The following RBFOX1 variants were observed in gnomAD, a reference collection of about 807,000 sequenced individuals.
RBFOX1 encodes RNA binding protein fox-1 homolog 1.
A neutral mutation model predicts 57.7 loss-of-function variants in RBFOX1; 8 were observed. The ratio of observed to expected loss-of-function variants is 0.14; its 90% CI spans 0.08 to 0.25. The LOEUF is 0.25. Ranked by LOEUF, RBFOX1 falls within the 10% of genes least tolerant of loss-of-function variation. RBFOX1 has a pLI of 1.00. For synonymous variants in RBFOX1, 326 were observed against 222.4 expected, an observed-to-expected ratio of 1.47 and a Z score of -4.15; for missense variants, 611 against 548.5, an observed-to-expected ratio of 1.11 and a Z score of -1.14.
At chr16:6,638,088 G>T (rs1212594155) in intron 2 of RBFOX1, among the ~76,000 whole-genome samples, 1 of 152,102 alleles carries the variant, frequency 6.6e-6, no homozygotes, top group Non-Finnish European at 1.5e-5. Flanking sequence ...CAAAATATCT[G>T]TGTCATATGA....
intron 3 of RBFOX1, among the ~76,000 whole-genome samples, chr16:6,930,657 G>A (rs1207355985): frequency 2.6e-5 from 4 of 152,102 alleles, no homozygotes; most frequent in South Asian, 2.1e-4. Context: ...TGATCCGCCT[G>A]CCTTGGCCTC....
chr16:5,284,293 C>T (rs1422747537), intron 1 of RBFOX1, among the ~76,000 whole-genome samples: 1 of 152,102 alleles, frequency 6.6e-6, no homozygotes, highest in African/African-American at 2.4e-5. Context: ...GACTAATACA[C>T]CCGTGTTCCT....
chr16:5,524,973 T>C (rs2044182499), intron 2 of RBFOX1, among the ~76,000 whole-genome samples: 1 of 152,230 alleles, frequency 6.6e-6, no homozygotes, highest in Non-Finnish European at 1.5e-5. Flanking sequence ...AAGCACCTTA[T>C]CTACTTTGTC....
intron 2 of RBFOX1, among the ~76,000 whole-genome samples, chr16:6,332,047 G>T (rs1018284273): frequency 2.0e-5 from 3 of 152,234 alleles, no homozygotes; most frequent in Non-Finnish European, 2.9e-5. Flanking sequence ...AGCGGTTTGT[G>T]TAACACCAAT....
intron 2 of RBFOX1, among the ~76,000 whole-genome samples, chr16:6,503,152 G>C (rs1026989379): frequency 6.6e-6 from 1 of 152,082 alleles, no homozygotes; most frequent in Non-Finnish European, 1.5e-5. Context: ...TTCATGGTAG[G>C]AGCATACTAC....
intron 11 of RBFOX1, among the ~76,000 whole-genome samples, chr16:7,652,392 G>A (rs1346699047): frequency 6.6e-6 from 1 of 152,118 alleles, no homozygotes; most frequent in Non-Finnish European, 1.5e-5. Flanking sequence ...TTACCCAAGG[G>A]AAGATATCCC....
intron 12 of RBFOX1, among the ~76,000 whole-genome samples, chr16:7,654,680 G>T (rs888766759): frequency 6.6e-6 from 1 of 152,270 alleles, no homozygotes; most frequent in African/African-American, 2.4e-5. Context: ...TGGCAGTCTT[G>T]AAATGCTAGT....
intron 4 of RBFOX1, among the ~76,000 whole-genome samples, chr16:6,008,092 C>T (rs148194336): frequency 2.0e-5 from 3 of 152,132 alleles, no homozygotes; most frequent in Non-Finnish European, 4.4e-5. Flanking sequence ...GTAGTCCCAG[C>T]TACTCAGGAG....
intron 3 of RBFOX1, among the ~76,000 whole-genome samples, chr16:6,813,267 C>G (rs1280878137): frequency 6.6e-6 from 1 of 152,160 alleles, no homozygotes; most frequent in African/African-American, 2.4e-5. Flanking sequence ...CCAGTTCTTT[C>G]TGGCAGTCCT....
At chr16:7,162,468 G>A (rs550500260) in intron 4 of RBFOX1, among the ~76,000 whole-genome samples, 2 of 151,296 alleles carry the variant, frequency 1.3e-5, no homozygotes, top group Non-Finnish European at 2.9e-5. Context: ...AGTAACTCAC[G>A]CCTGTAACCC....
intron 4 of RBFOX1, among the ~76,000 whole-genome samples, chr16:7,207,122 C>G (rs535933810): frequency 2.6e-5 from 4 of 152,310 alleles, no homozygotes; most frequent in South Asian, 2.1e-4. Flanking sequence ...CCCCATCCAT[C>G]TTCATGGCAT....
intron 2 of RBFOX1, among the ~76,000 whole-genome samples, chr16:6,368,493 G>T (rs2089985952): frequency 6.6e-6 from 1 of 152,094 alleles, no homozygotes; most frequent in African/African-American, 2.4e-5. Flanking sequence ...CAGTTCTCTG[G>T]GTGTGCACCT....
At chr16:7,545,864 G>T (rs957518956) in intron 5 of RBFOX1, among the ~76,000 whole-genome samples, 1 of 151,998 alleles carries the variant, frequency 6.6e-6, no homozygotes, top group Non-Finnish European at 1.5e-5. Flanking sequence ...CTCTGCATCG[G>T]GGGAGCAGAA....
At chr16:5,394,313 C>T (rs1267098081) in intron 1 of RBFOX1, among the ~76,000 whole-genome samples, 1 of 152,170 alleles carries the variant, frequency 6.6e-6, no homozygotes. Flanking sequence ...TGAGACATTG[C>T]GCCCAGCCAG....
In RBFOX1 at chr16:5,999,643, C is replaced by T. The variant is rs9934559; in HGVS notation, c.351+132308C>T. 4.9e-3 allele frequency among the ~76,000 whole-genome samples: 750 copies of T among 152,142 alleles called. 8 individuals carry two copies. The highest frequency in any genetic ancestry group is 0.018 in the African/African-American group (728 of 41,522). On this transcript the variant is annotated intron_variant, in intron 4 of 19. Transcript: ENST00000641259. ...TTGGGAGGCTGAGGTGGGCGGATCA[C>T]GAGGTCAGGAGATCGAGACCATTCT...
At chr16:5,723,671 C>T (rs953156611) in intron 3 of RBFOX1, among the ~76,000 whole-genome samples, 2 of 151,976 alleles carry the variant, frequency 1.3e-5, no homozygotes, top group Admixed American at 6.6e-5. Flanking sequence ...AATAGTCAGC[C>T]CACAGGAATC....
At chr16:6,506,906 C>G (rs1020563630) in intron 2 of RBFOX1, among the ~76,000 whole-genome samples, 2 of 152,098 alleles carry the variant, frequency 1.3e-5, no homozygotes, top group Admixed American at 6.5e-5. Flanking sequence ...CCTTGGCCTC[C>G]CAAAGTGCTG....
At chr16:7,480,607 C>T (rs2063701499) in intron 4 of RBFOX1, among the ~76,000 whole-genome samples, 1 of 152,200 alleles carries the variant, frequency 6.6e-6, no homozygotes, top group Non-Finnish European at 1.5e-5. Context: ...TCATTTTCAT[C>T]TGCGGATTCC....
chr16:5,276,915 C>A (rs898194334), intron 1 of RBFOX1, among the ~76,000 whole-genome samples: 3 of 152,114 alleles, frequency 2.0e-5, no homozygotes, highest in Non-Finnish European at 4.4e-5. Context: ...GTACATCTAC[C>A]ATTTGATCCA....
Sources: allele counts gnomAD v4.1 joint callset (sites outside exome capture counted in the v4.1 genomes callset), GRCh38; gene constraint gnomAD v4.1.1; transcripts MANE v1.5; gene names NCBI Gene and HGNC (gene_info 2026-07-23, HGNC 2026-07-21).